GNB5: variants seen among roughly 807,000 people sequenced by gnomAD.
GNB5 encodes the protein G protein subunit beta 5.
In GNB5, 37 loss-of-function variants were observed where a neutral mutation model predicts 55.3. The ratio of observed to expected loss-of-function variants is 0.67; its 90% CI spans 0.51 to 0.88. GNB5 has a LOEUF of 0.88. Ranked by LOEUF, GNB5 falls within the 40% of genes least tolerant of loss-of-function variation. The pLI is 0.00. For synonymous variants in GNB5, 219 were observed against 198.5 expected (o/e 1.10, Z -0.87); for missense variants, 476 against 515.3 (o/e 0.92, Z 0.74).
At chr15:52,141,411 G>T in intron 6 of GNB5, 139 bp from the exon 7 acceptor site, 2 of 635,522 alleles carry the variant, frequency 3.1e-6, no homozygotes, top group African/African-American at 1.9e-5. Context: ...CTTTTACTTT[G>T]AAGATTTTCT....
At chr15:52,139,894 G>C in intron 7 of GNB5, 1 of 1,286,848 alleles carries the variant, frequency 7.8e-7, no homozygotes, top group Non-Finnish European at 1.0e-6. Flanking sequence ...AGGGGCTTCA[G>C]ATGCCTGATG....
In GNB5 at chr15:52,120,705, T is replaced by C. The variant is rs191956422; in HGVS notation, c.*2052A>G. 7.6e-4 allele frequency: 115 copies of C among 152,136 alleles called. 1 individual carries two copies. The highest frequency in any genetic ancestry group is 5.7e-3 in the Admixed American group (87 of 15,304). The allele number at this position is 152,136 out of a possible 1,614,324, so 9.4% of individuals were successfully genotyped here. A position where few individuals can be genotyped will look rare whatever the true frequency, so the allele number is the denominator to read the frequency against. ...CTGCACCAGGGGCCACTGTGGGACA[T>C]TCTGGAGCAGAGCTCAGGAATCCCA... On this transcript the variant is annotated 3_prime_UTR_variant, in exon 13 of 13. Transcript: ENST00000261837.
intron 3 of GNB5, among the ~76,000 whole-genome samples, chr15:52,157,269 C>T (rs1298382086): frequency 1.4e-4 from 19 of 133,760 alleles, no homozygotes; most frequent in Admixed American, 9.5e-4. Flanking sequence ...TTTTTTGAGT[C>T]GGAGTCTCAC....
rs2033132798 is a variant in GNB5 at position 52,115,738 on chromosome 15, C to T, written c.*7019G>A. On this transcript the variant is annotated 3_prime_UTR_variant, in exon 13 of 13. Transcript: ENST00000261837. The stretch of plus-strand genomic sequence containing the variant: ...ATTCATATACCAAAAAATTCACCCT[C>T]TTACAGTCCAGTGGTTTTTAGTCTA... 6.6e-6 allele frequency: 1 copy of T among 152,234 alleles called. No homozygotes were observed. Among genetic ancestry groups the T allele is most frequent in the South Asian group, 2.1e-4 (1 of 4,824 alleles). The allele number at this position is 152,234 out of a possible 1,614,324, so 9.4% of individuals were successfully genotyped here. A position where few individuals can be genotyped will look rare whatever the true frequency, so the allele number is the denominator to read the frequency against.
At chr15:52,163,381 G>A (rs771895362) in intron 3 of GNB5, among the ~76,000 whole-genome samples, 6 of 152,174 alleles carry the variant, frequency 3.9e-5, no homozygotes, top group Non-Finnish European at 4.4e-5. Context: ...AAGCACCGTC[G>A]TTCAGCGGGC....
At chr15:52,137,867 G>C (rs1427621624) in intron 7 of GNB5, 1 of 1,286,850 alleles carries the variant, frequency 7.8e-7, no homozygotes, top group Non-Finnish European at 1.0e-6. Flanking sequence ...GCCTGGGTGA[G>C]GTGATAAGAC....
intron 6 of GNB5, among the ~76,000 whole-genome samples, chr15:52,143,113 C>G (rs1344265021): frequency 6.6e-6 from 1 of 151,728 alleles, no homozygotes; most frequent in Admixed American, 6.6e-5. Context: ...TGAGACCACA[C>G]CACCGCACTC....
chr15:52,161,943 G>A (rs1269306133), intron 3 of GNB5, among the ~76,000 whole-genome samples: 2 of 152,228 alleles, frequency 1.3e-5, no homozygotes, highest in Non-Finnish European at 2.9e-5. Context: ...CTTACCAGAA[G>A]TCCAATACGG....
At chr15:52,178,828 G>A (rs1202844007) in intron 3 of GNB5, among the ~76,000 whole-genome samples, 1 of 152,152 alleles carries the variant, frequency 6.6e-6, no homozygotes, top group Non-Finnish European at 1.5e-5. Context: ...GTAAAGGGTG[G>A]CATCGATTAG....
At chr15:52,189,318 C>T (rs1281698857) in intron 1 of GNB5, among the ~76,000 whole-genome samples, 1 of 152,210 alleles carries the variant, frequency 6.6e-6, no homozygotes. Context: ...TGTTCACTGG[C>T]TGGGCGTGGT....
intron 4 of GNB5, among the ~76,000 whole-genome samples, chr15:52,153,547 T>C (rs1297699112): frequency 1.3e-5 from 2 of 152,242 alleles, no homozygotes; most frequent in Non-Finnish European, 2.9e-5. Flanking sequence ...TTTTACAAGA[T>C]CTGTATCTTA....
chr15:52,160,503 T>C (rs1243836267), intron 3 of GNB5, among the ~76,000 whole-genome samples: 1 of 152,138 alleles, frequency 6.6e-6, no homozygotes, highest in Non-Finnish European at 1.5e-5. Context: ...GAGATCATGT[T>C]TAGAATAGCA....
At chr15:52,136,696 T>G (rs1283089981) in intron 7 of GNB5, among the ~76,000 whole-genome samples, 3 of 152,212 alleles carry the variant, frequency 2.0e-5, no homozygotes, top group African/African-American at 7.2e-5. Flanking sequence ...AAGAAACATC[T>G]GCTGTGTGCT....
intron 10 of GNB5, among the ~76,000 whole-genome samples, chr15:52,127,535 T>TAC (rs1491322753): frequency 6.6e-6 from 1 of 152,160 alleles, no homozygotes; most frequent in Non-Finnish European, 1.5e-5. Flanking sequence ...TTTTGTTATG[T>TAC]ATCTTTGATA....
At position 52,141,169 on chromosome 15, in the gene GNB5, C is replaced by A. The variant is rs1444153417; in HGVS notation, c.598G>T (p.Ala200Ser). The change falls in exon 7 of 13, where the codon GCC (alanine) becomes TCC (serine). Residue 200 changes from alanine to serine, a missense_variant. Transcript: ENST00000261837. ...SVAMHTNYLS[A>S]CSFTNSDMQI... is the part of the protein sequence containing the mutation. ...ATGTCAGAGTTGGTGAAGCTGCAGG[C>A]CGACAGGTAGTTGGTGTGCATAGCA... is the stretch of plus-strand genomic sequence containing the variant. 1 of 1,613,986 alleles carries A rather than the reference C, an allele frequency of 6.2e-7. No homozygotes were observed. Among genetic ancestry groups the A allele is most frequent in the African/African-American group, 1.3e-5 (1 of 74,924 alleles).
At chr15:52,160,858 T>C (rs926874391) in intron 3 of GNB5, among the ~76,000 whole-genome samples, 2 of 152,212 alleles carry the variant, frequency 1.3e-5, no homozygotes, top group African/African-American at 4.8e-5. Context: ...CATACTATAA[T>C]CTCTGAATCT....
rs1311477786 is a variant in GNB5 at position 52,119,736 on chromosome 15, G to C, written c.*3021C>G. On this transcript the variant is annotated 3_prime_UTR_variant, in exon 13 of 13. Transcript: ENST00000261837. ...TATCATATATTCTGTGACCGTGACA[G>C]AGGTGGGTGTGAATGAAGGCCAGCC... 1 of 152,150 alleles carries C rather than the reference G, an allele frequency of 6.6e-6. No homozygotes were observed. Among genetic ancestry groups the C allele is most frequent in the Non-Finnish European group, 1.5e-5 (1 of 68,030 alleles). 9.4% of individuals were successfully genotyped at this position (152,150 alleles called of 1,614,324 possible).
intron 3 of GNB5, among the ~76,000 whole-genome samples, chr15:52,158,584 C>T (rs2034264591): frequency 6.6e-6 from 1 of 152,086 alleles, no homozygotes; most frequent in Non-Finnish European, 1.5e-5. Context: ...CGCTCACTAG[C>T]ACTGGGAGTG....
intron 7 of GNB5, chr15:52,137,762 C>T (rs577153434): frequency 4.6e-5 from 55 of 1,199,370 alleles, no homozygotes; most frequent in South Asian, 6.1e-5. Context: ...GCCCAGCTGG[C>T]GGCATCACAG....
Sources: gnomAD v4.1 joint callset for allele counts (sites outside exome capture counted in the v4.1 genomes callset) on GRCh38, gnomAD v4.1.1 for gene constraint, MANE v1.5 for transcripts, NCBI Gene and HGNC (gene_info 2026-07-23, HGNC 2026-07-21) for gene names.